TXNRD3: variants seen among roughly 807,000 people sequenced by gnomAD.
The protein encoded by TXNRD3 is thioredoxin reductase 3.
A neutral mutation model predicts 78.2 loss-of-function variants in TXNRD3; 68 were observed. The observed-to-expected ratio is 0.87, with a 90% confidence interval of 0.72 to 1.06. The LOEUF is 1.06. TXNRD3 is among the 50% of genes least tolerant of loss of function. TXNRD3 has a pLI of 0.00. For synonymous variants in TXNRD3, 296 were observed against 300.1 expected (o/e 0.99, Z 0.14); for missense variants, 751 against 809.5 (o/e 0.93, Z 0.88).
At position 126,631,843 on chromosome 3, in the gene TXNRD3, CA is replaced by C. The variant is rs1183232384; in HGVS notation, c.891del (p.Ala298LeufsTer6). The C allele has an allele frequency of 1.3e-6, 2 of 1,535,850 alleles. No individual in the cohort carries two copies. Among genetic ancestry groups the C allele is most frequent in the East Asian group, 4.9e-5 (2 of 40,904 alleles). Reference sequence around the variant, plus strand: ...CCCGTTGCTATGACAAACTGTGCAGCAGTATAATAAGTCTCCTGTCCTTTTT... The same window carrying C: ...CCCGTTGCTATGACAAACTGTGCAGCGTATAATAAGTCTCCTGTCCTTTTT... On this transcript the variant is annotated frameshift_variant, in exon 8 of 16. Transcript: ENST00000524230. LOFTEE classifies it high-confidence loss of function.
intron 14 of TXNRD3, chr3:126,609,322 C>A (rs1938137886): frequency 4.8e-6 from 1 of 208,992 alleles, no homozygotes; most frequent in African/African-American, 2.3e-5. Flanking sequence ...GAAACCCTTG[C>A]CCACTAAGCT....
intron 7 of TXNRD3, 75 bp downstream of exon 7, chr3:126,633,834 T>G: frequency 7.8e-7 from 1 of 1,289,916 alleles, no homozygotes; most frequent in South Asian, 2.1e-5. Context: ...ACATGCAACA[T>G]GAAATTTTAG....
chr3:126,647,914 ATAAGT>A (rs1223217597), intron 1 of TXNRD3, among the ~76,000 whole-genome samples: 1 of 152,234 alleles, frequency 6.6e-6, no homozygotes. Context: ...TAACTGGAAA[ATAAGT>A]TAAATTATCT....
At chr3:126,628,016 C>G (rs567460881) in intron 10 of TXNRD3, among the ~76,000 whole-genome samples, 1 of 152,152 alleles carries the variant, frequency 6.6e-6, no homozygotes, top group East Asian at 1.9e-4. Flanking sequence ...ACAAAGGATA[C>G]AAAGTTGGTT....
chr3:126,639,691 C>T (rs1466918637), intron 6 of TXNRD3, among the ~76,000 whole-genome samples: 1 of 152,186 alleles, frequency 6.6e-6, no homozygotes, highest in Non-Finnish European at 1.5e-5. Flanking sequence ...TTACCTCAGC[C>T]TCCCGAGTAG....
At chr3:126,652,036 C>T (rs1350360936) in intron 1 of TXNRD3, among the ~76,000 whole-genome samples, 1 of 152,152 alleles carries the variant, frequency 6.6e-6, no homozygotes, top group African/African-American at 2.4e-5. Flanking sequence ...AGTCTGTTCT[C>T]CCATTGCTAT....
rs116498390 is a variant in TXNRD3 at position 126,635,074 on chromosome 3, A to G, written c.713-1023T>C. On this transcript the variant is annotated intron_variant, in intron 6 of 15. Coordinates refer to ENST00000524230, the MANE Select transcript of TXNRD3 (RefSeq NM_052883.3). The stretch of plus-strand genomic sequence containing the variant: ...CCTCCCACACCCTGTGATGTTGGTT[A>G]TGATTCCCGAACCTGTCCCAGCAGT... Among the ~76,000 whole-genome samples, 406 of 152,292 alleles carry G rather than the reference A, an allele frequency of 2.7e-3. 3 individuals carry two copies. The highest frequency in any genetic ancestry group is 9.2e-3 in the African/African-American group (382 of 41,548).
chr3:126,626,127 G>A (rs1200174672), intron 10 of TXNRD3: 1 of 152,024 alleles, frequency 6.6e-6, no homozygotes, highest in Non-Finnish European at 1.5e-5. Context: ...AAATGAATGA[G>A]AATTAATTTA....
chr3:126,614,480 C>G (rs902541855), intron 13 of TXNRD3, among the ~76,000 whole-genome samples: 4 of 151,978 alleles, frequency 2.6e-5, no homozygotes, highest in African/African-American at 9.7e-5. Context: ...ATCAATTTTC[C>G]AAGACCCACA....
intron 14 of TXNRD3, 56 bp from the exon 15 acceptor site, chr3:126,608,689 G>A (rs1467629651): frequency 6.8e-7 from 1 of 1,476,720 alleles, no homozygotes; most frequent in Non-Finnish European, 9.0e-7. Context: ...TCTGAATATG[G>A]ATCCATTCAC....
At chr3:126,632,938 T>C (rs1938758653) in intron 7 of TXNRD3, among the ~76,000 whole-genome samples, 1 of 152,116 alleles carries the variant, frequency 6.6e-6, no homozygotes. Flanking sequence ...ACAGGCAGGC[T>C]TGGTTGGGGC....
intron 12 of TXNRD3, 33 bp from the exon 13 acceptor site, chr3:126,615,495 T>C: frequency 8.4e-7 from 1 of 1,195,908 alleles, no homozygotes; most frequent in South Asian, 1.5e-5. Flanking sequence ...TGTCTTATTT[T>C]GTGAAACTTT....
At chr3:126,641,477 C>T (rs1458798608) in intron 6 of TXNRD3, among the ~76,000 whole-genome samples, 2 of 152,186 alleles carry the variant, frequency 1.3e-5, no homozygotes, top group Non-Finnish European at 2.9e-5. Context: ...CACTCCCCCA[C>T]CACCCTCAAG....
chr3:126,630,638 T>C, intron 9 of TXNRD3, 74 bp downstream of exon 9: 6 of 1,365,374 alleles, frequency 4.4e-6, no homozygotes, highest in Non-Finnish European at 6.0e-6. Flanking sequence ...GACTAATTTA[T>C]GTAATGAAAT....
At chr3:126,650,920 C>T (rs1933372854) in intron 1 of TXNRD3, among the ~76,000 whole-genome samples, 1 of 152,114 alleles carries the variant, frequency 6.6e-6, no homozygotes. Context: ...TTTTCTTACG[C>T]ACTTCTTTCT....
chr3:126,641,982 A>T (rs1933099506), intron 6 of TXNRD3, 50 bp downstream of exon 6: 1 of 1,471,074 alleles, frequency 6.8e-7, no homozygotes, highest in African/African-American at 1.4e-5. Context: ...TTATCTAAAA[A>T]ACTCATTTTT....
chr3:126,613,291 T>C (rs1295706317), intron 13 of TXNRD3, among the ~76,000 whole-genome samples: 2 of 152,176 alleles, frequency 1.3e-5, no homozygotes, highest in African/African-American at 4.8e-5. Flanking sequence ...TTCGGCTCTA[T>C]GCAAGAGCAA....
intron 7 of TXNRD3, 144 bp downstream of exon 7, chr3:126,633,765 A>G: frequency 2.1e-6 from 1 of 470,122 alleles, no homozygotes; most frequent in Non-Finnish European, 3.4e-6. Flanking sequence ...TAGGGGAGAA[A>G]CACACACACA....
Position 126,630,723 on chromosome 3 carries a change from T to A in TXNRD3, c.1186A>T (p.Ile396Leu). 1 of 1,534,290 alleles carries A rather than the reference T, an allele frequency of 6.5e-7. No individual in the cohort carries two copies. Among genetic ancestry groups the A allele is most frequent in the Middle Eastern group, 2.3e-4 (1 of 4,410 alleles). Residue 396 changes from isoleucine to leucine, a missense_variant, in exon 9 of 16, where the codon ATA (isoleucine) becomes TTA (leucine). By Grantham distance (5) the Ile-to-Leu change is conservative. Coordinates refer to ENST00000524230, the MANE Select transcript of TXNRD3 (RefSeq NM_052883.3). The stretch of plus-strand genomic sequence containing the variant: ...CCATGCAGCCTTACCATCACAGGTA[T>A]GAATTTCCGTAGGAACTTCACACCA...
Sources: allele counts gnomAD v4.1 joint callset (sites outside exome capture counted in the v4.1 genomes callset), GRCh38; gene constraint gnomAD v4.1.1; transcripts MANE v1.5; gene names NCBI Gene and HGNC (gene_info 2026-07-23, HGNC 2026-07-21).